The following EP300 variants were observed in gnomAD, a reference collection of about 807,000 sequenced individuals.
EP300 encodes the protein EP300 lysine acetyltransferase.
In EP300, 31 loss-of-function variants were observed where a neutral mutation model predicts 264.0. The ratio of observed to expected loss-of-function variants is 0.12; its 90% CI spans 0.09 to 0.16. The LOEUF is 0.16. EP300 is among the 10% of genes least tolerant of loss of function. EP300 has a pLI of 1.00. For missense variants in EP300, 2,766 were observed against 3,052.9 expected, an observed-to-expected ratio of 0.91 and a Z score of 2.21; for synonymous variants, 1,340 against 1,045.4, an observed-to-expected ratio of 1.28 and a Z score of -5.44.
intron 13 of EP300, 135 bp downstream of exon 13, chr22:41,149,310 TAG>T: frequency 1.0e-6 from 1 of 996,774 alleles, no homozygotes; most frequent in Non-Finnish European, 1.5e-6. Context: ...ATTTTGGACT[TAG>T]GGTATTCTGA....
chr22:41,135,010 C>T (rs775175062), intron 6 of EP300, among the ~76,000 whole-genome samples: 1 of 152,146 alleles, frequency 6.6e-6, no homozygotes, highest in Non-Finnish European at 1.5e-5. Flanking sequence ...TGGGTTCAAG[C>T]GATGCTCCTG....
At chr22:41,094,632 C>T (rs2058692114) in intron 1 of EP300, among the ~76,000 whole-genome samples, 1 of 152,160 alleles carries the variant, frequency 6.6e-6, no homozygotes, top group South Asian at 2.1e-4. Flanking sequence ...TCCTTTGCAC[C>T]TACTAAAGTG....
intron 1 of EP300, among the ~76,000 whole-genome samples, chr22:41,093,754 G>A (rs2058687424): frequency 6.6e-6 from 1 of 152,164 alleles, no homozygotes; most frequent in Admixed American, 6.5e-5. Context: ...AGACCAAAAT[G>A]TCTGAAACTC....
rs1569120861 is a variant in EP300 at position 41,177,133 on chromosome 22, A to C, written c.5422A>C (p.Asn1808His). The C allele has an allele frequency of 6.2e-7, 1 of 1,614,120 alleles. No individual in the cohort carries two copies. Among genetic ancestry groups the C allele is most frequent in the Non-Finnish European group, 8.5e-7 (1 of 1,180,006 alleles). The stretch of plus-strand genomic sequence containing the variant: ...CAAATGCCCGGTGCCGTTCTGCCTA[A>C]ACATCAAGCAGAAGCTCCGGCAGCA... ...ENKCPVPFCL[N>H]IKQKLRQQQL... The change falls in exon 31 of 31, where the codon AAC (asparagine) becomes CAC (histidine). Residue 1808 changes from asparagine (N) to histidine (H), a missense_variant. Coordinates refer to ENST00000263253, the MANE Select transcript of EP300 (RefSeq NM_001429.4).
chr22:41,179,414 A>C lies in EP300; in HGVS notation c.*458A>C, dbSNP rs2059226252. 1 of 191,742 alleles carries C rather than the reference A, an allele frequency of 5.2e-6. No homozygotes were observed. Among genetic ancestry groups the C allele is most frequent in the African/African-American group, 2.3e-5 (1 of 42,644 alleles). 11.9% of individuals were successfully genotyped at this position (191,742 alleles called of 1,614,324 possible). On this transcript the variant is annotated 3_prime_UTR_variant, in exon 31 of 31. Transcript: ENST00000263253. ...AAAACATTTCTAAACCAGAGGACAA[A>C]AGGGGTTAATGTTACTTTAAAATTA...
rs1041521662 is a variant in EP300 at position 41,175,666 on chromosome 22, G to C, written c.4780-581G>C. ...ACTGTCTCCATATTTGGATTTGTCT[G>C]GTTTGTTGTAATTAGATTGAGGTTA... On this transcript the variant is annotated intron_variant, in intron 29 of 30. Transcript: ENST00000263253. 2.0e-5 allele frequency among the ~76,000 whole-genome samples: 3 copies of C among 152,300 alleles called. No homozygotes were observed. In the South Asian group the frequency reaches 6.2e-4, roughly 32 times the overall value.
At chr22:41,100,682 T>C (rs561204853) in intron 1 of EP300, among the ~76,000 whole-genome samples, 57 of 152,270 alleles carry the variant, frequency 3.7e-4, no homozygotes, top group African/African-American at 1.3e-3. Context: ...TTGTAAATAA[T>C]CCAGAAAGAA....
intron 4 of EP300, among the ~76,000 whole-genome samples, chr22:41,128,284 G>A (rs990043907): frequency 7.9e-5 from 12 of 151,990 alleles, no homozygotes; most frequent in African/African-American, 2.9e-4. Context: ...GTGAAACCTC[G>A]TCTCTACAAA....
chr22:41,168,930 G>T, intron 25 of EP300, 63 bp downstream of exon 25: 2 of 1,606,146 alleles, frequency 1.2e-6, no homozygotes, highest in Non-Finnish European at 8.5e-7. Context: ...ATAATAGGTG[G>T]AAAAGCATAA....
At chr22:41,148,709 T>C (rs2059026063) in intron 12 of EP300, 1 of 380,332 alleles carries the variant, frequency 2.6e-6, no homozygotes, top group Middle Eastern at 8.2e-4. Flanking sequence ...TGTGATTAAC[T>C]CTCCTCACTT....
chr22:41,166,846 GA>G (rs1014848084), intron 23 of EP300, among the ~76,000 whole-genome samples, 180 bp downstream of exon 23: 2 of 151,980 alleles, frequency 1.3e-5, no homozygotes, highest in African/African-American at 2.4e-5. Flanking sequence ...TTAGACCAAA[GA>G]AAAAAATTTC....
chr22:41,122,154 CTTCTTTTTTTTTTTTTTTT>C (rs2058855991), intron 2 of EP300, among the ~76,000 whole-genome samples: 1 of 97,256 alleles, frequency 1.0e-5, no homozygotes, highest in Admixed American at 1.5e-4. Context: ...CTTTCTTCTT[CTTCTTTTTTTTTTTTTTTT>C]TTTTTTTTGG....
intron 1 of EP300, among the ~76,000 whole-genome samples, chr22:41,112,015 G>A (rs1281066560): frequency 2.0e-5 from 3 of 150,208 alleles, no homozygotes; most frequent in African/African-American, 7.4e-5. Flanking sequence ...AGCCTCCCGA[G>A]TAGCTGGGAC....
rs753036687 is a variant in EP300, at chr22:41,155,116, A to G, written c.3261+3A>G. On this transcript the variant is annotated splice_donor_region_variant and intron_variant, in intron 17 of 30. Coordinates refer to ENST00000263253, the MANE Select transcript of EP300 (RefSeq NM_001429.4). ...ACCCTCAGCTTTTAGGAATCCCTGT[A>G]AGTATTTGGTGGTACTTTTGATTTT... is the stretch of plus-strand genomic sequence containing the variant. 1.9e-6 allele frequency: 3 copies of G among 1,584,970 alleles called. No individual in the cohort carries two copies. The highest frequency in any genetic ancestry group is 1.7e-5 in the Admixed American group (1 of 59,964).
intron 5 of EP300, 81 bp from the exon 6 acceptor site, chr22:41,131,307 G>C: frequency 7.0e-7 from 1 of 1,432,216 alleles, no homozygotes; most frequent in Non-Finnish European, 9.8e-7. Flanking sequence ...CAATAATTTT[G>C]TGGGGTTTTT....
intron 1 of EP300, among the ~76,000 whole-genome samples, chr22:41,113,714 T>A (rs930434373): frequency 6.6e-6 from 1 of 152,030 alleles, no homozygotes; most frequent in Non-Finnish European, 1.5e-5. Context: ...GCCCTGCTAA[T>A]TTTTTGTATT....
intron 4 of EP300, among the ~76,000 whole-genome samples, chr22:41,129,252 C>G (rs954174172): frequency 6.6e-6 from 1 of 152,060 alleles, no homozygotes; most frequent in African/African-American, 2.4e-5. Context: ...ACCTCGTGAT[C>G]CGCCCGCCTC....
At chr22:41,141,341 T>C in intron 10 of EP300, 119 bp downstream of exon 10, 1 of 1,138,666 alleles carries the variant, frequency 8.8e-7, no homozygotes, top group South Asian at 1.5e-5. Context: ...AATAACCATT[T>C]GCCTTTGCAA....
chr22:41,093,055 A>G lies in EP300; in HGVS notation c.51A>G (p.Lys17=). The G allele has an allele frequency of 6.2e-7, 1 of 1,613,708 alleles. No individual in the cohort carries two copies. The change falls in exon 1 of 31, where the codon AAA becomes AAG. Residue 17 remains lysine, a synonymous_variant. Coordinates refer to ENST00000263253, the MANE Select transcript of EP300 (RefSeq NM_001429.4). ...GGCCGCCTTCAGCCAAGCGGCCTAA[A>G]CTCTCATCTCCGGCCCTCTCGGCGT... The part of the protein sequence containing the change: ...EPGPPSAKRP[K]LSSPALSASA...
Sources: allele counts gnomAD v4.1 joint callset (sites outside exome capture counted in the v4.1 genomes callset), GRCh38; gene constraint gnomAD v4.1.1; transcripts MANE v1.5; gene names NCBI Gene and HGNC (gene_info 2026-07-23, HGNC 2026-07-21).